SYNPR: variants seen among roughly 807,000 people sequenced by gnomAD.
The protein encoded by SYNPR is synaptoporin.
A neutral mutation model predicts 32.9 loss-of-function variants in SYNPR; 23 were observed. That is an observed-to-expected ratio of 0.70 (90% CI 0.50 to 0.99). The LOEUF (loss-of-function observed/expected upper bound fraction) is 0.99. Ranked by LOEUF, SYNPR falls within the 50% of genes least tolerant of loss-of-function variation. The pLI, the probability that SYNPR is intolerant of heterozygous loss-of-function variation, is 0.00. For missense variants in SYNPR, 318 were observed against 349.3 expected (o/e 0.91, Z 0.71); for synonymous variants, 146 against 135.9 (o/e 1.07, Z -0.52).
At chr3:63,549,543 A>T (rs1702465367) in intron 3 of SYNPR, among the ~76,000 whole-genome samples, 1 of 152,152 alleles carries the variant, frequency 6.6e-6, no homozygotes, top group Non-Finnish European at 1.5e-5. Context: ...CAGCAATCGT[A>T]CCCACTGAAG....
Position 63,398,797 on chromosome 3 carries a change from G to T in SYNPR, c.85-82035G>T, listed in dbSNP as rs1183551733. On this transcript the variant is annotated intron_variant, in intron 2 of 5. Transcript: ENST00000478300. ...AGATAACAGTAACTAAATGGTGGGA[G>T]AATCTAAACCACAGTCCCTGAGGAA... Among the ~76,000 whole-genome samples the T allele has an allele frequency of 3.3e-5, 5 of 152,252 alleles. No individual in the cohort carries two copies. The East Asian group carries it at 9.7e-4, about 29-fold the overall frequency.
chr3:63,373,091 C>T (rs1243914538), intron 2 of SYNPR, among the ~76,000 whole-genome samples: 2 of 152,192 alleles, frequency 1.3e-5, no homozygotes, highest in Non-Finnish European at 1.5e-5. Flanking sequence ...ACTCAAATTA[C>T]ACCATAGTTA....
At chr3:63,480,978 T>C (rs771644955) in intron 3 of SYNPR, 22 bp downstream of exon 3, 1 of 1,605,266 alleles carries the variant, frequency 6.2e-7, no homozygotes, top group South Asian at 1.1e-5. Flanking sequence ...TGGTTCATGC[T>C]TGTTAGCCTC....
At chr3:63,593,787 A>C (rs1213352049) in intron 4 of SYNPR, among the ~76,000 whole-genome samples, 1 of 152,134 alleles carries the variant, frequency 6.6e-6, no homozygotes. Context: ...AATCCTGATT[A>C]ATTGGCAGTG....
At chr3:63,534,601 T>C (rs1223505322) in intron 3 of SYNPR, among the ~76,000 whole-genome samples, 1 of 152,188 alleles carries the variant, frequency 6.6e-6, no homozygotes, top group East Asian at 1.9e-4. Context: ...AGTGTTGCTA[T>C]AACAGAATAG....
intron 3 of SYNPR, among the ~76,000 whole-genome samples, chr3:63,267,783 A>G (rs1366759015): frequency 6.6e-6 from 1 of 152,194 alleles, no homozygotes; most frequent in African/African-American, 2.4e-5. Context: ...TTTTAGATTC[A>G]TGATCATTTT....
At chr3:63,331,561 G>A (rs555156156) in intron 2 of SYNPR, among the ~76,000 whole-genome samples, 1 of 152,102 alleles carries the variant, frequency 6.6e-6, no homozygotes, top group East Asian at 1.9e-4. Context: ...CTAACGCTTT[G>A]AAGCTCATTC....
intron 5 of SYNPR, among the ~76,000 whole-genome samples, chr3:63,614,044 C>T (rs1218190494): frequency 1.0e-4 from 5 of 48,054 alleles, no homozygotes. Flanking sequence ...CCACCACTAC[C>T]CACAGGCCAC....
intron 3 of SYNPR, among the ~76,000 whole-genome samples, chr3:63,549,471 A>T (rs1702464341): frequency 6.6e-6 from 1 of 152,174 alleles, no homozygotes; most frequent in Admixed American, 6.5e-5. Context: ...TTCTAGCCAC[A>T]TGACCTCAGG....
chr3:63,396,081 G>C (rs2088209088), intron 2 of SYNPR, among the ~76,000 whole-genome samples: 1 of 152,150 alleles, frequency 6.6e-6, no homozygotes, highest in Non-Finnish European at 1.5e-5. Flanking sequence ...CTCTTGACCA[G>C]ACAGAAAACA....
At chr3:63,332,874 T>C (rs774540069) in intron 2 of SYNPR, among the ~76,000 whole-genome samples, 3 of 152,158 alleles carry the variant, frequency 2.0e-5, no homozygotes, top group African/African-American at 4.8e-5. Context: ...TTGGGCTGCC[T>C]GGTCCCTTGG....
chr3:63,602,107 C>A (rs187525887), intron 4 of SYNPR, among the ~76,000 whole-genome samples: 12 of 152,262 alleles, frequency 7.9e-5, no homozygotes, highest in Admixed American at 2.6e-4. Context: ...TGATGTTGGG[C>A]ACTTTTTCAT....
At chr3:63,462,560 T>C (rs1700604586) in intron 2 of SYNPR, among the ~76,000 whole-genome samples, 1 of 152,158 alleles carries the variant, frequency 6.6e-6, no homozygotes, top group Non-Finnish European at 1.5e-5. Context: ...TAACCTCCAA[T>C]TTAGGTCGCT....
chr3:63,314,013 A>C, intron 2 of SYNPR, among the ~76,000 whole-genome samples: 1 of 36,770 alleles, frequency 2.7e-5, no homozygotes, highest in African/African-American at 9.3e-5. Flanking sequence ...ATCCATATAT[A>C]TATATCCATA....
chr3:63,483,502 T>A (rs960034708), intron 3 of SYNPR, among the ~76,000 whole-genome samples: 1 of 152,176 alleles, frequency 6.6e-6, no homozygotes, highest in Non-Finnish European at 1.5e-5. Context: ...GGATTACTTT[T>A]GGGGAAGGAT....
chr3:63,275,687 T>C (rs539650671), upstream of SYNPR, among the ~76,000 whole-genome samples: 76 of 152,354 alleles, frequency 5.0e-4, no homozygotes, highest in South Asian at 9.5e-3. Context: ...ATAGCCATTC[T>C]AAGGCTGGAT....
chr3:63,499,143 G>A (rs1701431514), intron 3 of SYNPR, among the ~76,000 whole-genome samples: 1 of 152,024 alleles, frequency 6.6e-6, no homozygotes, highest in Admixed American at 6.6e-5. Flanking sequence ...GGTTTTAGTG[G>A]TTCAGAGAGA....
chr3:63,279,488 G>A (rs906842575), intron 2 of SYNPR, among the ~76,000 whole-genome samples: 2 of 152,178 alleles, frequency 1.3e-5, no homozygotes, highest in African/African-American at 4.8e-5. Flanking sequence ...ATTGCAATTT[G>A]TCTATGGGCA....
intron 4 of SYNPR, among the ~76,000 whole-genome samples, chr3:63,557,653 T>A (rs76096631): frequency 0.092 from 14,004 of 152,268 alleles, 746 homozygotes; most frequent in Non-Finnish European, 0.12. Flanking sequence ...TGATTGATCA[T>A]TAAAAAATAA....
Sources: allele counts gnomAD v4.1 joint callset (sites outside exome capture counted in the v4.1 genomes callset), GRCh38; gene constraint gnomAD v4.1.1; transcripts MANE v1.5; gene names NCBI Gene and HGNC (gene_info 2026-07-23, HGNC 2026-07-21).